The following ADGRE1 variants were observed in gnomAD, a reference collection of about 807,000 sequenced individuals.
ADGRE1 encodes the protein EGF-like module receptor 1.
In ADGRE1, 82 loss-of-function variants were observed where a neutral mutation model predicts 102.7. The ratio of observed to expected loss-of-function variants is 0.80; its 90% CI spans 0.67 to 0.96. The LOEUF (loss-of-function observed/expected upper bound fraction) is 0.96. ADGRE1 is among the 40% of genes least tolerant of loss of function. ADGRE1 has a pLI of 0.00. For missense variants in ADGRE1, 1,032 were observed against 1,085.3 expected (o/e 0.95, Z 0.69); for synonymous variants, 398 against 399.6 (o/e 1.00, Z 0.05).
intron 5 of ADGRE1, among the ~76,000 whole-genome samples, chr19:6,900,843 T>C (rs944696683): frequency 5.3e-5 from 8 of 152,236 alleles, no homozygotes; most frequent in Admixed American, 4.6e-4. Flanking sequence ...GGGTAACAAA[T>C]TGTCTTAAAA....
rs1178357325 is a variant in ADGRE1, at chr19:6,921,681, C to G, written c.1621-32C>G. ...CCATTTGATGGGGATTCCCAGAAGA[C>G]CTTTGTTTTTTTGTTTTTTTGTTTT... On this transcript the variant is annotated intron_variant, in intron 13 of 20. Transcript: ENST00000312053. The G allele has an allele frequency of 2.0e-6, 3 of 1,524,030 alleles. No individual in the cohort carries two copies. In the African/African-American group the frequency reaches 5.0e-5, roughly 26 times the overall value. 94.4% of individuals were successfully genotyped at this position (1,524,030 alleles called of 1,614,324 possible).
intron 12 of ADGRE1, among the ~76,000 whole-genome samples, chr19:6,918,494 C>T (rs1974490871): frequency 6.6e-6 from 1 of 151,810 alleles, no homozygotes; most frequent in South Asian, 2.1e-4. Context: ...TCTGGGGGGA[C>T]ATCCAAGGGG....
At chr19:6,934,764 A>ATTTTT (rs371829373) in intron 17 of ADGRE1, among the ~76,000 whole-genome samples, 2 of 136,772 alleles carry the variant, frequency 1.5e-5, no homozygotes, top group African/African-American at 5.4e-5. Flanking sequence ...TGCATGGCTA[A>ATTTTT]TTTTTTTTTT....
At chr19:6,889,687 C>CAAAAAAAAAAAA (rs1178774112) in intron 1 of ADGRE1, among the ~76,000 whole-genome samples, 3 of 41,758 alleles carry the variant, frequency 7.2e-5, no homozygotes, top group African/African-American at 2.0e-4. Flanking sequence ...GACTCCATCT[C>CAAAAAAAAAAAA]AAAAAAAAAA....
intron 20 of ADGRE1, 95 bp from the exon 21 acceptor site, chr19:6,939,929 T>C: frequency 7.4e-7 from 1 of 1,350,088 alleles, no homozygotes; most frequent in Non-Finnish European, 1.1e-6. Context: ...TGTTACTGTA[T>C]TTTTAATACT....
chr19:6,894,535 C>A (rs1472473881), intron 2 of ADGRE1, among the ~76,000 whole-genome samples: 1 of 152,136 alleles, frequency 6.6e-6, no homozygotes, highest in Non-Finnish European at 1.5e-5. Context: ...TGCAAAGGCC[C>A]TGTGGTAGGA....
chr19:6,937,506 C>T (rs1327071918), intron 19 of ADGRE1, 38 bp from the exon 20 acceptor site: 9 of 1,610,666 alleles, frequency 5.6e-6, no homozygotes, highest in East Asian at 4.5e-5. Context: ...GTCACTGGAC[C>T]ATTTCCCTGC....
At chr19:6,929,385 T>G (rs1975051984) in intron 17 of ADGRE1, among the ~76,000 whole-genome samples, 1 of 152,066 alleles carries the variant, frequency 6.6e-6, no homozygotes, top group Non-Finnish European at 1.5e-5. Flanking sequence ...AGTGTGACAT[T>G]TACGTAGAGC....
Position 6,904,198 on chromosome 19 carries a change from T to A in ADGRE1, c.949+16T>A, listed in dbSNP as rs1339917263. On this transcript the variant is annotated intron_variant, in intron 8 of 20. Coordinates refer to ENST00000312053, the MANE Select transcript of ADGRE1 (RefSeq NM_001974.5). ...AGCTGCCAAAGTAATAATCTCTTTG[T>A]ATGTCTTGGCAATGGAATCTGTTTC... 1 of 1,612,234 alleles carries A rather than the reference T, an allele frequency of 6.2e-7. No homozygotes were observed. The highest frequency in any genetic ancestry group is 1.1e-5 in the South Asian group (1 of 90,970).
In ADGRE1 at chr19:6,921,794, G is replaced by A. The variant is rs1388671617; in HGVS notation, c.1702G>A (p.Val568Met). The A allele has an allele frequency of 1.2e-6, 2 of 1,614,026 alleles. No homozygotes were observed. Among genetic ancestry groups the A allele is most frequent in the African/African-American group, 1.3e-5 (1 of 74,902 alleles). ...TGGAAGATGGACATCCTTTGGCTGT[G>A]TGATCCTGGAAGCTTCTGAGACATA... Reference protein sequence around the residue: ...KGGRWTSFGCVILEASETYTI... With the variant: ...KGGRWTSFGCMILEASETYTI... Residue 568 changes from valine to methionine, a missense_variant, in exon 14 of 21, where the codon GTG becomes ATG. Transcript: ENST00000312053.
chr19:6,920,516 C>CTTGTTTT (rs1974613643), intron 13 of ADGRE1, among the ~76,000 whole-genome samples: 1 of 75,734 alleles, frequency 1.3e-5, no homozygotes, highest in East Asian at 7.4e-4. Context: ...ACCATGCCCG[C>CTTGTTTT]TTTTTTTTTT....
chr19:6,891,052 A>T (rs1401241636), intron 2 of ADGRE1: 1 of 152,548 alleles, frequency 6.6e-6, no homozygotes, highest in Admixed American at 6.5e-5. Flanking sequence ...CCTCACCCAA[A>T]TCTCACCTTA....
chr19:6,887,739 A>C (rs2144867533), intron 1 of ADGRE1, 100 bp downstream of exon 1: 1 of 1,294,264 alleles, frequency 7.7e-7, no homozygotes, highest in Non-Finnish European at 1.1e-6. Context: ...AGAGATCATA[A>C]GTCCAGACTG....
At chr19:6,925,274 C>A (rs541828163) in intron 15 of ADGRE1, among the ~76,000 whole-genome samples, 1 of 152,192 alleles carries the variant, frequency 6.6e-6, no homozygotes, top group Non-Finnish European at 1.5e-5. Context: ...GCATGAGACA[C>A]TATGCCCGGC....
chr19:6,938,786 TTTC>T (rs1975546016), intron 20 of ADGRE1, among the ~76,000 whole-genome samples: 1 of 147,066 alleles, frequency 6.8e-6, no homozygotes, highest in African/African-American at 2.5e-5. Context: ...TCTTTCTTTC[TTTC>T]TTTCTTTTTT....
chr19:6,913,204 C>CCT (rs1188390571), intron 10 of ADGRE1, among the ~76,000 whole-genome samples: 1 of 151,626 alleles, frequency 6.6e-6, no homozygotes, highest in East Asian at 1.9e-4. Context: ...TTTCAGACAG[C>CCT]CTCTCTCACT....
chr19:6,917,189 T>TA (rs1974423026), intron 12 of ADGRE1, among the ~76,000 whole-genome samples: 1 of 152,218 alleles, frequency 6.6e-6, no homozygotes, highest in African/African-American at 2.4e-5. Context: ...GATTGGCCCA[T>TA]AGGCCACAGT....
intron 2 of ADGRE1, among the ~76,000 whole-genome samples, chr19:6,894,401 AAAG>A (rs1318590263): frequency 1.3e-5 from 2 of 152,112 alleles, no homozygotes; most frequent in Admixed American, 6.6e-5. Context: ...GAATTCCATA[AAAG>A]AAGAGCTCAG....
rs535817111 is a variant in ADGRE1 at position 6,936,268 on chromosome 19, T to C, written c.2382-975T>C. 4.8e-3 allele frequency among the ~76,000 whole-genome samples: 726 copies of C among 151,616 alleles called. 8 individuals are homozygous for C. The highest frequency in any genetic ancestry group is 0.015 in the African/African-American group (636 of 41,358). On this transcript the variant is annotated intron_variant, in intron 18 of 20. Transcript: ENST00000312053. Reference sequence around the variant, plus strand: ...TGGCTAACATGGTGAAACCCTGTCTTTACTAAAAATACAAAAAATTAGCCG... The same window carrying C: ...TGGCTAACATGGTGAAACCCTGTCTCTACTAAAAATACAAAAAATTAGCCG...
Sources: allele counts gnomAD v4.1 joint callset (sites outside exome capture counted in the v4.1 genomes callset), GRCh38; gene constraint gnomAD v4.1.1; transcripts MANE v1.5; gene names NCBI Gene and HGNC (gene_info 2026-07-23, HGNC 2026-07-21).